The following USP48 variants were observed in gnomAD, a reference collection of about 807,000 sequenced individuals.
USP48 encodes ubiquitin specific peptidase 48.
Under a neutral mutation model 150.7 loss-of-function variants are expected in USP48, and 43 were observed. The observed-to-expected ratio is 0.29, with a 90% confidence interval of 0.22 to 0.37. The LOEUF is 0.37. Ranked by LOEUF, USP48 falls within the 10% of genes least tolerant of loss-of-function variation. The probability of loss-of-function intolerance (pLI) is 1.00; values close to 1 mark genes in which losing one functional copy is unlikely to be tolerated. For missense variants in USP48, 813 were observed against 1,249.6 expected (o/e 0.65, Z 5.27); for synonymous variants, 396 against 425.9 (o/e 0.93, Z 0.86).
At chr1:21,696,630 A>G (rs905534856) in intron 22 of USP48, among the ~76,000 whole-genome samples, 5 of 152,118 alleles carry the variant, frequency 3.3e-5, no homozygotes, top group Admixed American at 2.6e-4. Context: ...CTTATTTATG[A>G]GCACATTATT....
At chr1:21,751,907 A>G (rs1553140813) in intron 5 of USP48, among the ~76,000 whole-genome samples, 3 of 151,230 alleles carry the variant, frequency 2.0e-5, no homozygotes, top group Non-Finnish European at 4.4e-5. Context: ...AATCTCAGCT[A>G]CTCGGGAGGC....
chr1:21,744,777 T>TAAAAAA (rs10699993), intron 8 of USP48, among the ~76,000 whole-genome samples: 32 of 59,584 alleles, frequency 5.4e-4, no homozygotes, highest in Non-Finnish European at 6.9e-4. Flanking sequence ...ACTCTATCTC[T>TAAAAAA]AAAAAAAAAA....
At chr1:21,683,512 GTAT>G (rs2097572438) in intron 25 of USP48, among the ~76,000 whole-genome samples, 1 of 151,990 alleles carries the variant, frequency 6.6e-6, no homozygotes, top group Admixed American at 6.6e-5. Context: ...AGCCTCCCAA[GTAT>G]CTGAGACCAC....
intron 1 of USP48, among the ~76,000 whole-genome samples, chr1:21,777,597 T>C (rs1476814369): frequency 1.3e-5 from 2 of 151,282 alleles, no homozygotes; most frequent in Non-Finnish European, 2.9e-5. Context: ...AGACCAGGAG[T>C]TTAAGGCTAC....
At chr1:21,751,837 G>A (rs758338572) in intron 5 of USP48, among the ~76,000 whole-genome samples, 1 of 151,996 alleles carries the variant, frequency 6.6e-6, no homozygotes, top group African/African-American at 2.4e-5. Flanking sequence ...GACCAACACG[G>A]TGAAACCCCA....
chr1:21,687,580 G>A (rs556809889), intron 24 of USP48, among the ~76,000 whole-genome samples: 2 of 152,330 alleles, frequency 1.3e-5, no homozygotes, highest in African/African-American at 2.4e-5. Context: ...TAAGATACTC[G>A]TAGTGGCAGT....
At chr1:21,718,384 T>C (rs2097710574) in intron 14 of USP48, among the ~76,000 whole-genome samples, 1 of 152,230 alleles carries the variant, frequency 6.6e-6, no homozygotes, top group Non-Finnish European at 1.5e-5. Context: ...TTCTACTTTG[T>C]CACATTTGTG....
chr1:21,690,331 T>C (rs2097594264), intron 23 of USP48, among the ~76,000 whole-genome samples: 1 of 152,032 alleles, frequency 6.6e-6, no homozygotes, highest in Admixed American at 6.6e-5. Context: ...ATTACACATA[T>C]AGATGCGTTT....
At chr1:21,730,807 C>CTAGA (rs1368275540) in intron 9 of USP48, among the ~76,000 whole-genome samples, 4 of 150,002 alleles carry the variant, frequency 2.7e-5, no homozygotes. Flanking sequence ...TGTCGGCAGG[C>CTAGA]TAGAGTGCAG....
In USP48 at chr1:21,782,682, C is replaced by T. The variant is rs1040960120; in HGVS notation, c.134+142G>A. 3 of 1,305,372 alleles carry T rather than the reference C, an allele frequency of 2.3e-6. No homozygotes were observed. In the African/African-American group the frequency reaches 4.7e-5, roughly 20 times the overall value. 80.9% of individuals were successfully genotyped at this position (1,305,372 alleles called of 1,614,324 possible). A position where few individuals can be genotyped will look rare whatever the true frequency, so the allele number is the denominator to read the frequency against. ...TGCGTTTCCCAGGTCGCGCAGACGGCGCAAAGGGGGAAACTCCACCTCGCT... is the reference window on the plus strand; with the variant it reads ...TGCGTTTCCCAGGTCGCGCAGACGGTGCAAAGGGGGAAACTCCACCTCGCT... On this transcript the variant is annotated intron_variant, in intron 1 of 26. Coordinates refer to ENST00000308271, the MANE Select transcript of USP48 (RefSeq NM_032236.8).
chr1:21,693,055 T>C (rs1377584522), intron 23 of USP48, among the ~76,000 whole-genome samples: 1 of 152,046 alleles, frequency 6.6e-6, no homozygotes, highest in Non-Finnish European at 1.5e-5. Flanking sequence ...TGCGATGCTG[T>C]GTGGGGCTGA....
At chr1:21,690,824 T>G (rs1409511570) in intron 23 of USP48, among the ~76,000 whole-genome samples, 1 of 152,196 alleles carries the variant, frequency 6.6e-6, no homozygotes, top group African/African-American at 2.4e-5. Context: ...CCACTGCATC[T>G]GGCCCAAAAT....
At chr1:21,695,531 C>G (rs1027138629) in intron 22 of USP48, among the ~76,000 whole-genome samples, 1 of 152,092 alleles carries the variant, frequency 6.6e-6, no homozygotes, top group African/African-American at 2.4e-5. Context: ...CCAGCCTAGG[C>G]AACATATTAA....
At chr1:21,777,038 A>G (rs865995109) in intron 1 of USP48, among the ~76,000 whole-genome samples, 9 of 150,662 alleles carry the variant, frequency 6.0e-5, no homozygotes, top group Admixed American at 1.3e-4. Flanking sequence ...TCGCTTGAAC[A>G]TGGGAGGCGG....
chr1:21,756,242 A>G (rs1421423483), intron 3 of USP48, among the ~76,000 whole-genome samples: 1 of 152,010 alleles, frequency 6.6e-6, no homozygotes, highest in Admixed American at 6.6e-5. Context: ...GCACTTTGGA[A>G]GGCCGAGGCA....
At chr1:21,725,967 T>A (rs2097735976) in intron 11 of USP48, among the ~76,000 whole-genome samples, 1 of 152,166 alleles carries the variant, frequency 6.6e-6, no homozygotes, top group Non-Finnish European at 1.5e-5. Flanking sequence ...AGTCTTAGCA[T>A]ACTCTCATCT....
chr1:21,716,873 A>G (rs975986230), intron 14 of USP48, among the ~76,000 whole-genome samples: 3 of 152,000 alleles, frequency 2.0e-5, no homozygotes, highest in Admixed American at 6.6e-5. Flanking sequence ...CTAAAAATAC[A>G]AAAAATTAGC....
At chr1:21,782,705 G>C in intron 1 of USP48, 119 bp downstream of exon 1, 2 of 1,371,306 alleles carry the variant, frequency 1.5e-6, no homozygotes, top group Non-Finnish European at 1.9e-6. Flanking sequence ...ACTCCACCTC[G>C]CTCGGCTCCG....
In USP48 at chr1:21,703,550, C is replaced by T. The variant is rs779360306; in HGVS notation, c.2584G>A (p.Ala862Thr). 1 of 1,612,720 alleles carries T rather than the reference C, an allele frequency of 6.2e-7. No individual in the cohort carries two copies. Among genetic ancestry groups the T allele is most frequent in the Non-Finnish European group, 8.5e-7 (1 of 1,179,916 alleles). ...QQRDLREYTQ[A>T]TIYVHKVVDN... ...ACAACTTTATGGACATAGATGGTGGCTTGAGTGTATTCACGCAGGTCCCTC... is the reference window on the plus strand; with the variant it reads ...ACAACTTTATGGACATAGATGGTGGTTTGAGTGTATTCACGCAGGTCCCTC... Residue 862 changes from alanine (A) to threonine (T), a missense_variant, in exon 21 of 27, where the codon GCC becomes ACC. Transcript: ENST00000308271.
Sources: allele counts gnomAD v4.1 joint callset (sites outside exome capture counted in the v4.1 genomes callset), GRCh38; gene constraint gnomAD v4.1.1; transcripts MANE v1.5; gene names NCBI Gene and HGNC (gene_info 2026-07-23, HGNC 2026-07-21).